The following CLEC4A variants were observed in gnomAD, a reference collection of about 807,000 sequenced individuals.
The protein encoded by CLEC4A is C-type (calcium dependent, carbohydrate-recognition domain) lectin, superfamily member 6.
A neutral mutation model predicts 32.7 loss-of-function variants in CLEC4A; 27 were observed. That is an observed-to-expected ratio of 0.83 (90% CI 0.61 to 1.14). The LOEUF is 1.14. Among genes scored for constraint, CLEC4A ranks in the 50% most tolerant of loss-of-function variants. The pLI, the probability that CLEC4A is intolerant of heterozygous loss-of-function variation, is 0.00. For missense variants in CLEC4A, 253 were observed against 274.6 expected, an observed-to-expected ratio of 0.92 and a Z score of 0.55; for synonymous variants, 89 against 93.7, an observed-to-expected ratio of 0.95 and a Z score of 0.29.
At chr12:8,128,431 G>A (rs1947937309) in intron 2 of CLEC4A, among the ~76,000 whole-genome samples, 2 of 143,344 alleles carry the variant, frequency 1.4e-5, no homozygotes, top group East Asian at 4.1e-4. Flanking sequence ...TTTTTTTTGA[G>A]ATGGAGTCTT....
At chr12:8,123,345 G>A (rs1210870984), upstream of CLEC4A, among the ~76,000 whole-genome samples, 1 of 152,198 alleles carries the variant, frequency 6.6e-6, no homozygotes, top group East Asian at 1.9e-4. Context: ...AGGTGGGGAG[G>A]CTGATATGTG....
intron 2 of CLEC4A, among the ~76,000 whole-genome samples, chr12:8,128,557 C>A (rs751834819): frequency 1.1e-4 from 17 of 152,046 alleles, no homozygotes; most frequent in Non-Finnish European, 2.2e-4. Context: ...ATTACAGGCA[C>A]CTGCCGCTGC....
chr12:8,117,945 G>A, the CLEC4A span, among the ~76,000 whole-genome samples: 2 of 152,112 alleles, frequency 1.3e-5, no homozygotes, highest in African/African-American at 2.4e-5. Context: ...CCAAGGTTGA[G>A]GGCATGCCCA....
At chr12:8,105,869 T>A in the CLEC4A span, among the ~76,000 whole-genome samples, 1 of 152,382 alleles carries the variant, frequency 6.6e-6, no homozygotes, top group East Asian at 1.9e-4. Flanking sequence ...TTTATTTTGC[T>A]GTCCAGAAGC....
intron 2 of CLEC4A, among the ~76,000 whole-genome samples, chr12:8,126,904 T>C (rs1947910676): frequency 6.6e-6 from 1 of 152,258 alleles, no homozygotes; most frequent in South Asian, 2.1e-4. Flanking sequence ...GAAATGAAGT[T>C]GTAGGTGGCA....
At chr12:8,107,452 G>A in the CLEC4A span, among the ~76,000 whole-genome samples, 1 of 152,084 alleles carries the variant, frequency 6.6e-6, no homozygotes, top group Non-Finnish European at 1.5e-5. Flanking sequence ...GAATAGTTCA[G>A]CAGGAACCTC....
chr12:8,125,319 A>G (rs73244074), intron 1 of CLEC4A, among the ~76,000 whole-genome samples: 5,195 of 152,274 alleles, frequency 0.034, 305 homozygotes, highest in African/African-American at 0.12. Context: ...ATTATGGTAT[A>G]TTATAAGTTA....
At chr12:8,134,906 T>C (rs1948069238) in intron 3 of CLEC4A, 4 of 1,426,236 alleles carry the variant, frequency 2.8e-6, no homozygotes, top group South Asian at 2.9e-5. Flanking sequence ...TTATATCTTC[T>C]AGTTCTTTGC....
At chr12:8,122,532 G>A (rs1490790407), upstream of CLEC4A, among the ~76,000 whole-genome samples, 1 of 151,994 alleles carries the variant, frequency 6.6e-6, no homozygotes. Context: ...GGGCATCCGC[G>A]CAGGGGATGG....
intron 3 of CLEC4A, chr12:8,134,660 G>A (rs1948061791): frequency 6.3e-7 from 1 of 1,589,260 alleles, no homozygotes; most frequent in Non-Finnish European, 8.6e-7. Flanking sequence ...CATACGGCGG[G>A]GGACATGGGG....
the CLEC4A span, among the ~76,000 whole-genome samples, chr12:8,112,149 G>A: frequency 6.6e-6 from 1 of 151,922 alleles, no homozygotes; most frequent in Non-Finnish European, 1.5e-5. Flanking sequence ...TGTATTTTTA[G>A]TAGCGATGGG....
chr12:8,125,496 G>A, intron 1 of CLEC4A, 65 bp from the exon 2 acceptor site: 1 of 839,298 alleles, frequency 1.2e-6, no homozygotes, highest in South Asian at 1.4e-5. Context: ...AGAAAGAGGA[G>A]GAGGAAGAAG....
chr12:8,122,109 T>G (rs973493304), upstream of CLEC4A, among the ~76,000 whole-genome samples: 20 of 151,740 alleles, frequency 1.3e-4, no homozygotes, highest in African/African-American at 4.8e-4. Context: ...AGATGGACAT[T>G]ATTGCTGGGG....
intron 4 of CLEC4A, among the ~76,000 whole-genome samples, chr12:8,136,519 G>A (rs1948118275): frequency 7.0e-6 from 1 of 143,064 alleles, no homozygotes; most frequent in Non-Finnish European, 1.5e-5. Context: ...AGCCAAGATT[G>A]CACCACTGCA....
the CLEC4A span, among the ~76,000 whole-genome samples, chr12:8,113,781 G>T: frequency 3.3e-5 from 5 of 152,286 alleles, no homozygotes; most frequent in African/African-American, 7.2e-5. Context: ...GCTAATACAA[G>T]GGTGCATTAT....
At chr12:8,134,993 TTTAATCATGGC>T in intron 3 of CLEC4A, 14 of 241,584 alleles carry the variant, frequency 5.8e-5, no homozygotes, top group Non-Finnish European at 9.5e-5. Flanking sequence ...TTTGTTTTTT[TTTAATCATGGC>T]TGCTTTTAAA....
At chr12:8,110,367 A>G in the CLEC4A span, among the ~76,000 whole-genome samples, 3 of 152,206 alleles carry the variant, frequency 2.0e-5, no homozygotes, top group African/African-American at 7.2e-5. Flanking sequence ...TAATTAATGA[A>G]TTGATTGTGG....
chr12:8,137,453 A>T (rs1382478467), intron 5 of CLEC4A, among the ~76,000 whole-genome samples: 1 of 152,160 alleles, frequency 6.6e-6, no homozygotes, highest in African/African-American at 2.4e-5. Context: ...CAGGCTGAAG[A>T]TGTAATGCTT....
chr12:8,128,315 T>C (rs1452162602), intron 2 of CLEC4A, among the ~76,000 whole-genome samples: 2 of 152,100 alleles, frequency 1.3e-5, no homozygotes, highest in African/African-American at 4.8e-5. Flanking sequence ...GGATCCACTT[T>C]AGGGATGGTT....
Sources: gnomAD v4.1 joint callset for allele counts (sites outside exome capture counted in the v4.1 genomes callset) on GRCh38, gnomAD v4.1.1 for gene constraint, MANE v1.5 for transcripts, NCBI Gene and HGNC (gene_info 2026-07-23, HGNC 2026-07-21) for gene names.